Variants in RAB21 observed in about 807,000 individuals in gnomAD.
RAB21 encodes RAB21, member RAS oncogene family, also known as ras-related protein Rab-21.
A neutral mutation model predicts 33.1 loss-of-function variants in RAB21; 13 were observed. The ratio of observed to expected loss-of-function variants is 0.39; its 90% CI spans 0.26 to 0.62. The LOEUF is 0.62. Ranked by LOEUF, RAB21 falls within the 20% of genes least tolerant of loss-of-function variation. The probability of loss-of-function intolerance (pLI) is 0.48; values close to 1 mark genes in which losing one functional copy is unlikely to be tolerated. For synonymous variants in RAB21, 91 were observed against 103.7 expected (o/e 0.88, Z 0.74); for missense variants, 234 against 279.1 (o/e 0.84, Z 1.15).
chr12:71,782,628 A>G lies in RAB21; in HGVS notation c.505A>G (p.Ile169Val). 1 of 1,600,666 alleles carries G rather than the reference A, an allele frequency of 6.2e-7. No homozygotes were observed. The highest frequency in any genetic ancestry group is 8.5e-7 in the Non-Finnish European group (1 of 1,171,482). Residue 169 changes from isoleucine (I) to valine (V), a missense_variant, in exon 6 of 7, where the codon ATT becomes GTT. Coordinates refer to ENST00000261263, the MANE Select transcript of RAB21 (RefSeq NM_014999.4). ...TACTTCAGCCAAACAGAACAAAGGAATTGAGGAACTCTTTCTTGACCTTTG... is the reference window on the plus strand; with the variant it reads ...TACTTCAGCCAAACAGAACAAAGGAGTTGAGGAACTCTTTCTTGACCTTTG... ...YHTSAKQNKG[I>V]EELFLDLCKR...
rs768545399 is a variant in RAB21, at chr12:71,789,315, A to G, written c.*3642A>G. 2 of 152,114 alleles carry G rather than the reference A, an allele frequency of 1.3e-5. No homozygotes were observed. 9.4% of individuals were successfully genotyped at this position (152,114 alleles called of 1,614,324 possible). A position where few individuals can be genotyped will look rare whatever the true frequency, so the allele number is the denominator to read the frequency against. ...TGATACTGTTTATTTCTTTAATTAT[A>G]TAATTTGCAATTTTCTGTATTATAA... On this transcript the variant is annotated 3_prime_UTR_variant, in exon 7 of 7. Transcript: ENST00000261263.
At position 71,792,737 on chromosome 12, in the gene RAB21, A is replaced by G. The variant is rs1286998555; in HGVS notation, c.*7064A>G. ...ACTGCTATGTGCCCAGTGTACATACATGGGAGAACCAGATAGCCAAAGTGC... is the reference window on the plus strand; with the variant it reads ...ACTGCTATGTGCCCAGTGTACATACGTGGGAGAACCAGATAGCCAAAGTGC... On this transcript the variant is annotated 3_prime_UTR_variant, in exon 7 of 7. Coordinates refer to ENST00000261263, the MANE Select transcript of RAB21 (RefSeq NM_014999.4). 6.6e-6 allele frequency: 1 copy of G among 152,218 alleles called. No homozygotes were observed. Among genetic ancestry groups the G allele is most frequent in the Non-Finnish European group, 1.5e-5 (1 of 68,056 alleles). 9.4% of individuals were successfully genotyped at this position (152,218 alleles called of 1,614,324 possible).
At chr12:71,767,626 G>T (rs1277757871) in intron 1 of RAB21, among the ~76,000 whole-genome samples, 4 of 152,078 alleles carry the variant, frequency 2.6e-5, no homozygotes, top group African/African-American at 9.7e-5. Flanking sequence ...GGTGGTCATA[G>T]ACCCCAGAGG....
Position 71,786,202 on chromosome 12 carries a change from A to G in RAB21, c.*529A>G, listed in dbSNP as rs1397099133. On this transcript the variant is annotated 3_prime_UTR_variant, in exon 7 of 7. Transcript: ENST00000261263. ...AGGCGTGAGCCACCGTGCCCGGCCT[A>G]CAAATGTTAACAAAGCAATTACCAA... The G allele has an allele frequency of 6.5e-6, 1 of 152,716 alleles. No individual in the cohort carries two copies. The highest frequency in any genetic ancestry group is 1.5e-5 in the Non-Finnish European group (1 of 68,116). 9.5% of individuals were successfully genotyped at this position (152,716 alleles called of 1,614,324 possible).
Position 71,755,030 on chromosome 12 carries a change from G to A in RAB21, c.-100G>A. ...GGACAGCGCCCGGGTCGGCGGGGCC[G>A]GGGCGGTGGGGGCTGAGCCGGCCGT... On this transcript the variant is annotated 5_prime_UTR_variant, in exon 1 of 7. Transcript: ENST00000261263. The A allele has an allele frequency of 2.0e-6, 2 of 989,572 alleles. No individual in the cohort carries two copies. The highest frequency in any genetic ancestry group is 2.4e-6 in the Non-Finnish European group (2 of 828,764). The allele number at this position is 989,572 out of a possible 1,614,324, so 61.3% of individuals were successfully genotyped here.
chr12:71,789,361 A>G lies in RAB21; in HGVS notation c.*3688A>G, dbSNP rs1883344386. ...TATAAGTGCTACCAGGATTCTAGAT[A>G]GTTGATCTTACATATTCAGATAGTA... is the stretch of plus-strand genomic sequence containing the variant. On this transcript the variant is annotated 3_prime_UTR_variant, in exon 7 of 7. Transcript: ENST00000261263. 10 of 152,212 alleles carry G rather than the reference A, an allele frequency of 6.6e-5. No individual in the cohort carries two copies. The highest frequency in any genetic ancestry group is 5.9e-4 in the Admixed American group (9 of 15,296). The allele number at this position is 152,212 out of a possible 1,614,324, so 9.4% of individuals were successfully genotyped here.
At position 71,787,117 on chromosome 12, in the gene RAB21, A is replaced by G. The variant is rs2137661815; in HGVS notation, c.*1444A>G. On this transcript the variant is annotated 3_prime_UTR_variant, in exon 7 of 7. Transcript: ENST00000261263. ...ATTGCTTGCCAGAGATGAACACAGA[A>G]TGTTCTGTTTCATTTTACAAGAACT... 1 of 152,332 alleles carries G rather than the reference A, an allele frequency of 6.6e-6. No individual in the cohort carries two copies. Among genetic ancestry groups the G allele is most frequent in the South Asian group, 2.1e-4 (1 of 4,828 alleles). 9.4% of individuals were successfully genotyped at this position (152,332 alleles called of 1,614,324 possible).
intron 1 of RAB21, among the ~76,000 whole-genome samples, chr12:71,769,586 T>A (rs1883011302): frequency 1.3e-5 from 2 of 152,174 alleles, no homozygotes; most frequent in African/African-American, 4.8e-5. Context: ...GTGTTTTGTA[T>A]AACCTATTTT....
At chr12:71,761,653 G>A (rs962945847) in intron 1 of RAB21, among the ~76,000 whole-genome samples, 1 of 151,912 alleles carries the variant, frequency 6.6e-6, no homozygotes, top group African/African-American at 2.4e-5. Flanking sequence ...GCTCCAGCCT[G>A]GGCAACAGAG....
At position 71,764,037 on chromosome 12, in the gene RAB21, C is replaced by T. The variant is rs575147328; in HGVS notation, c.160-5763C>T. ...TGAAAATTAAATGAAAAAGCCCAAGCACAGTGCTTGGCACATAGTATGATT... is the reference window on the plus strand; with the variant it reads ...TGAAAATTAAATGAAAAAGCCCAAGTACAGTGCTTGGCACATAGTATGATT... On this transcript the variant is annotated intron_variant, in intron 1 of 6. Coordinates refer to ENST00000261263, the MANE Select transcript of RAB21 (RefSeq NM_014999.4). Among the ~76,000 whole-genome samples the T allele has an allele frequency of 2.7e-4, 41 of 152,282 alleles. No individual in the cohort carries two copies. In the South Asian group the frequency reaches 3.7e-3, roughly 14 times the overall value.
Position 71,768,019 on chromosome 12 carries a change from G to T in RAB21, c.160-1781G>T, listed in dbSNP as rs192466886. 1.2e-4 allele frequency among the ~76,000 whole-genome samples: 18 copies of T among 152,258 alleles called. 1 individual carries two copies. Among genetic ancestry groups the T allele is most frequent in the Admixed American group, 9.8e-4 (15 of 15,274 alleles). On this transcript the variant is annotated intron_variant, in intron 1 of 6. Coordinates refer to ENST00000261263, the MANE Select transcript of RAB21 (RefSeq NM_014999.4). ...TTAGCTCCTATGCTAGCATGAATGG[G>T]AGAAGACATTTATTGTCATAACATG...
rs571631060 is a variant in RAB21, at chr12:71,769,435, C to T, written c.160-365C>T. On this transcript the variant is annotated intron_variant, in intron 1 of 6. Coordinates refer to ENST00000261263, the MANE Select transcript of RAB21 (RefSeq NM_014999.4). ...TGATATTTGTACATTAAGTAAACCACCAGTAAACATTTATTTTATCTTAGA... is the reference window on the plus strand; with the variant it reads ...TGATATTTGTACATTAAGTAAACCATCAGTAAACATTTATTTTATCTTAGA... Among the ~76,000 whole-genome samples, 10 of 152,200 alleles carry T rather than the reference C, an allele frequency of 6.6e-5. No individual in the cohort carries two copies. The East Asian group carries it at 1.9e-3, about 29-fold the overall frequency.
At position 71,797,112 on chromosome 12, in the gene RAB21, T is replaced by A. The variant is rs1883473644; in HGVS notation, c.*11439T>A. 1 of 152,120 alleles carries A rather than the reference T, an allele frequency of 6.6e-6. No individual in the cohort carries two copies. Among genetic ancestry groups the A allele is most frequent in the Non-Finnish European group, 1.5e-5 (1 of 67,988 alleles). 9.4% of individuals were successfully genotyped at this position (152,120 alleles called of 1,614,324 possible). A position where few individuals can be genotyped will look rare whatever the true frequency, so the allele number is the denominator to read the frequency against. On this transcript the variant is annotated 3_prime_UTR_variant, in exon 7 of 7. Transcript: ENST00000261263. ...CATTTTACAGGGGCTCTGAAAGGTA[T>A]ACAAAATGTACTACTATAATTAATG... is the stretch of plus-strand genomic sequence containing the variant.
intron 4 of RAB21, 22 bp downstream of exon 4, chr12:71,774,044 TAAA>T: frequency 6.7e-7 from 1 of 1,490,520 alleles, no homozygotes; most frequent in Non-Finnish European, 9.0e-7. Context: ...TACTTTTTTC[TAAA>T]AAAAAAGTCC....
chr12:71,754,943 T>C lies in RAB21; in HGVS notation c.-187T>C, dbSNP rs917008885. On this transcript the variant is annotated 5_prime_UTR_variant, in exon 1 of 7. Transcript: ENST00000261263. ...TCCTCCGGTGCCTGACGTGGTGGGCTGGGGCCCTTCATTCTCGGACTTTCC... is the reference window on the plus strand; with the variant it reads ...TCCTCCGGTGCCTGACGTGGTGGGCCGGGGCCCTTCATTCTCGGACTTTCC... The C allele has an allele frequency of 1.7e-5, 6 of 359,544 alleles. No homozygotes were observed. The highest frequency in any genetic ancestry group is 4.4e-5 in the African/African-American group (2 of 45,254). The allele number at this position is 359,544 out of a possible 1,614,324, so 22.3% of individuals were successfully genotyped here.
intron 6 of RAB21, among the ~76,000 whole-genome samples, chr12:71,784,939 A>G (rs1883260957): frequency 6.6e-6 from 1 of 151,886 alleles, no homozygotes; most frequent in South Asian, 2.1e-4. Context: ...GCAAAAAAAA[A>G]AAACTCAGCC....
intron 4 of RAB21, among the ~76,000 whole-genome samples, chr12:71,776,194 C>T (rs984941598): frequency 3.9e-5 from 6 of 152,220 alleles, no homozygotes; most frequent in African/African-American, 9.6e-5. Context: ...CTAACACATA[C>T]ATAAAGTCAA....
chr12:71,762,837 TC>T (rs1167824463), intron 1 of RAB21, among the ~76,000 whole-genome samples: 4 of 152,104 alleles, frequency 2.6e-5, no homozygotes, highest in African/African-American at 9.7e-5. Flanking sequence ...CACCTCAGCC[TC>T]CCAAAGTGTT....
chr12:71,785,706 A>G lies in RAB21; in HGVS notation c.*33A>G. 3 of 1,611,838 alleles carry G rather than the reference A, an allele frequency of 1.9e-6. No individual in the cohort carries two copies. Among genetic ancestry groups the G allele is most frequent in the Non-Finnish European group, 2.5e-6 (3 of 1,178,270 alleles). ...CGCCTAAGAAATTAAAAGACAGAAC[A>G]AAACTGTGGATCATTGCCCTCAACA... On this transcript the variant is annotated 3_prime_UTR_variant, in exon 7 of 7. Coordinates refer to ENST00000261263, the MANE Select transcript of RAB21 (RefSeq NM_014999.4).
Sources: gnomAD v4.1 joint callset for allele counts (sites outside exome capture counted in the v4.1 genomes callset) on GRCh38, gnomAD v4.1.1 for gene constraint, MANE v1.5 for transcripts, NCBI Gene and HGNC (gene_info 2026-07-23, HGNC 2026-07-21) for gene names.